The following CADPS variants were observed in gnomAD, a reference collection of about 807,000 sequenced individuals.
CADPS encodes calcium-dependent secretion activator 1.
Under a neutral mutation model 167.3 loss-of-function variants are expected in CADPS, and 57 were observed. The observed-to-expected ratio is 0.34, with a 90% CI of 0.28 to 0.42. The LOEUF (loss-of-function observed/expected upper bound fraction) is 0.42, where lower values mean the gene tolerates loss of function less well. Ranked by LOEUF, CADPS falls within the 20% of genes least tolerant of loss-of-function variation. CADPS has a pLI of 1.00. For missense variants in CADPS, 1,414 were observed against 1,738.1 expected, an observed-to-expected ratio of 0.81 and a Z score of 3.32; for synonymous variants, 676 against 635.3, an observed-to-expected ratio of 1.06 and a Z score of -0.96.
chr3:62,613,781 G>A (rs2061844140), intron 6 of CADPS, among the ~76,000 whole-genome samples: 1 of 152,182 alleles, frequency 6.6e-6, no homozygotes. Flanking sequence ...AAAACCGATA[G>A]CTGAAATGAA....
At position 62,491,047 on chromosome 3, in the gene CADPS, A is replaced by C. The variant is rs187231760; in HGVS notation, c.3026+292T>G. Among the ~76,000 whole-genome samples the C allele has an allele frequency of 2.2e-3, 330 of 152,334 alleles. 2 individuals carry two copies. Among genetic ancestry groups the C allele is most frequent in the African/African-American group, 7.5e-3 (313 of 41,578 alleles). On this transcript the variant is annotated intron_variant, in intron 21 of 29. Coordinates refer to ENST00000383710, the MANE Select transcript of CADPS (RefSeq NM_003716.4). ...ACCATTGGAGTAAGACATACCACACAAATATCACAGCCGAGTTTATATTCC... is the reference window on the plus strand; with the variant it reads ...ACCATTGGAGTAAGACATACCACACCAATATCACAGCCGAGTTTATATTCC...
At chr3:62,762,570 C>G (rs1196148660) in intron 2 of CADPS, among the ~76,000 whole-genome samples, 1 of 148,916 alleles carries the variant, frequency 6.7e-6, no homozygotes, top group African/African-American at 2.5e-5. Context: ...GAGGGAGGAT[C>G]ACTTTAGCCA....
At chr3:62,721,036 A>G (rs112646783) in intron 3 of CADPS, among the ~76,000 whole-genome samples, 6 of 149,484 alleles carry the variant, frequency 4.0e-5, no homozygotes, top group African/African-American at 1.5e-4. Flanking sequence ...CCAGGATGGT[A>G]TCAATCTCCT....
At chr3:62,527,003 G>A (rs1258907664) in intron 13 of CADPS, among the ~76,000 whole-genome samples, 1 of 152,164 alleles carries the variant, frequency 6.6e-6, no homozygotes, top group Non-Finnish European at 1.5e-5. Flanking sequence ...ATGGTTGAGA[G>A]GGGTGCTTAG....
chr3:62,807,109 A>G (rs935029512), intron 1 of CADPS, among the ~76,000 whole-genome samples: 1 of 152,214 alleles, frequency 6.6e-6, no homozygotes, highest in Non-Finnish European at 1.5e-5. Context: ...ATTTTGACCC[A>G]AGGGTTTGAC....
chr3:62,466,827 C>T (rs1175139770), intron 24 of CADPS: 2 of 213,042 alleles, frequency 9.4e-6, no homozygotes, highest in Non-Finnish European at 1.9e-5. Context: ...ATTCCCTTTC[C>T]AAAGGGAATT....
At chr3:62,799,799 C>T (rs891240361) in intron 1 of CADPS, among the ~76,000 whole-genome samples, 12 of 152,050 alleles carry the variant, frequency 7.9e-5, no homozygotes, top group Admixed American at 2.0e-4. Context: ...CTGTTACCAC[C>T]ACCACCACCA....
At position 62,399,657 on chromosome 3, in the gene CADPS, G is replaced by A. The variant is rs1559880103; in HGVS notation, c.3883-72C>T. On this transcript the variant is annotated intron_variant, in intron 29 of 29. Transcript: ENST00000383710. The surrounding 1 kb of genome is among the most constrained non-coding windows in gnomAD (Gnocchi z 5.6). ...ATGGGGAGGGAGAAGGTAAAAGCAG[G>A]TGTGGGTGGGAGAGCACTGACCTTC... 1 of 1,316,228 alleles carries A rather than the reference G, an allele frequency of 7.6e-7. No homozygotes were observed. Among genetic ancestry groups the A allele is most frequent in the Non-Finnish European group, 1.1e-6 (1 of 923,206 alleles). The allele number at this position is 1,316,228 out of a possible 1,614,324, so 81.5% of individuals were successfully genotyped here.
At chr3:62,623,052 T>C (rs985863384) in intron 6 of CADPS, among the ~76,000 whole-genome samples, 6 of 152,250 alleles carry the variant, frequency 3.9e-5, no homozygotes, top group Non-Finnish European at 8.8e-5. Flanking sequence ...ACCTTTGTTA[T>C]TTATTTTTAA....
intron 20 of CADPS, 87 bp downstream of exon 20, chr3:62,492,203 T>C (rs2063864155): frequency 8.9e-7 from 1 of 1,127,672 alleles, no homozygotes; most frequent in Admixed American, 1.9e-5. Context: ...ATGTCAAGCC[T>C]GTAGTCTGCT....
At chr3:62,532,736 T>C (rs2073972153) in intron 13 of CADPS, 135 bp downstream of exon 13, 1 of 638,994 alleles carries the variant, frequency 1.6e-6, no homozygotes, top group Non-Finnish European at 2.7e-6. Context: ...TGTGTGTGTG[T>C]GTGTGTGTGT....
At chr3:62,606,225 T>C (rs1163777995) in intron 6 of CADPS, among the ~76,000 whole-genome samples, 1 of 152,202 alleles carries the variant, frequency 6.6e-6, no homozygotes, top group Non-Finnish European at 1.5e-5. Flanking sequence ...GTTTGAATAT[T>C]GTCCCTTCAA....
intron 1 of CADPS, among the ~76,000 whole-genome samples, chr3:62,836,391 T>A (rs1269235533): frequency 6.6e-6 from 1 of 151,982 alleles, no homozygotes; most frequent in East Asian, 1.9e-4. Flanking sequence ...CTTGGTCTGG[T>A]GAGGACCAGG....
At chr3:62,628,916 C>A (rs1017449735) in intron 6 of CADPS, among the ~76,000 whole-genome samples, 22 of 151,978 alleles carry the variant, frequency 1.4e-4, no homozygotes, top group African/African-American at 5.3e-4. Context: ...TGAACCACCA[C>A]GCCTGGCCAA....
chr3:62,733,070 A>G (rs943849319), intron 3 of CADPS, among the ~76,000 whole-genome samples: 2 of 152,216 alleles, frequency 1.3e-5, no homozygotes, highest in Admixed American at 6.5e-5. Context: ...TAAACTAGGC[A>G]ATGGGTTAAT....
rs1427250220 is a variant in CADPS, at chr3:62,420,488, A to G, written c.3778-17303T>C. ...TGGGAGGGGTGTTGGGTTTCAGAAG[A>G]GAAGGCAGAGTGGCATGAAGGCTGG... On this transcript the variant is annotated intron_variant, in intron 28 of 29. Transcript: ENST00000383710. This position sits in a 1 kb window ranked among gnomAD's most constrained non-coding sequence, Gnocchi z 4.1. Among the ~76,000 whole-genome samples the G allele has an allele frequency of 2.0e-5, 3 of 152,112 alleles. No homozygotes were observed. Among genetic ancestry groups the G allele is most frequent in the Non-Finnish European group, 4.4e-5 (3 of 68,024 alleles).
intron 3 of CADPS, among the ~76,000 whole-genome samples, chr3:62,723,852 A>T (rs1197853910): frequency 6.6e-6 from 1 of 152,138 alleles, no homozygotes; most frequent in East Asian, 1.9e-4. Flanking sequence ...AGAGGCACTG[A>T]GGTAGCCACG....
intron 29 of CADPS, among the ~76,000 whole-genome samples, chr3:62,400,227 T>G (rs1273041846): frequency 6.6e-6 from 1 of 152,208 alleles, no homozygotes; most frequent in Admixed American, 6.5e-5. Flanking sequence ...TTCACAACTT[T>G]ATGGTCTCAG....
intron 5 of CADPS, among the ~76,000 whole-genome samples, chr3:62,650,613 A>G (rs891973924): frequency 1.3e-5 from 2 of 152,220 alleles, no homozygotes; most frequent in African/African-American, 2.4e-5. Context: ...TAAGACAGAA[A>G]GTAATGCAAG....
Sources: gnomAD v4.1 joint callset for allele counts (sites outside exome capture counted in the v4.1 genomes callset) on GRCh38, gnomAD v4.1.1 for gene constraint, Gnocchi (gnomAD v3.1) non-coding constraint, MANE v1.5 for transcripts, NCBI Gene and HGNC (gene_info 2026-07-23, HGNC 2026-07-21) for gene names.